Variants in KIF17 observed in about 807,000 individuals in gnomAD.
The protein encoded by KIF17 is kinesin family member 17.
KIF17 carries 80 observed loss-of-function variants against 96.8 expected under a neutral mutation model. The observed-to-expected ratio is 0.83, with a 90% CI of 0.69 to 1.00. The LOEUF is 1.00. Among genes scored for constraint, KIF17 ranks in the 50% least tolerant of loss-of-function variants. KIF17 has a pLI of 0.00. For missense variants in KIF17, 1,280 were observed against 1,372.9 expected, an observed-to-expected ratio of 0.93 and a Z score of 1.07; for synonymous variants, 567 against 587.5, an observed-to-expected ratio of 0.97 and a Z score of 0.51.
chr1:20,690,352 G>GGCGCCCC lies in KIF17; in HGVS notation c.1234-18_1234-17insGGGGCGC. On this transcript the variant is annotated splice_polypyrimidine_tract_variant and intron_variant, in intron 6 of 14. Coordinates refer to ENST00000400463, the MANE Select transcript of KIF17 (RefSeq NM_001122819.3). ...TTCATACTCCTGGGGGGGTGGGAGG[G>GGCGCCCC]ACCAGAGGGCAGGCAGCATTTTATC... 2.2e-6 allele frequency: 1 copy of GGCGCCCC among 451,168 alleles called. No individual in the cohort carries two copies. Among genetic ancestry groups the GGCGCCCC allele is most frequent in the Non-Finnish European group, 4.3e-6 (1 of 235,148 alleles). 27.9% of individuals were successfully genotyped at this position (451,168 alleles called of 1,614,324 possible).
chr1:20,692,089 G>C (rs1463557796), intron 6 of KIF17, among the ~76,000 whole-genome samples: 6 of 152,116 alleles, frequency 3.9e-5, no homozygotes, highest in Non-Finnish European at 5.9e-5. Flanking sequence ...CATGTTCATG[G>C]ATGAAATCTA....
chr1:20,666,283 T>C lies in KIF17; in HGVS notation c.2839A>G (p.Ile947Val). The change falls in exon 14 of 15, where the codon ATT becomes GTT. Residue 947 changes from isoleucine to valine, a missense_variant. Ile to Val is a conservative substitution (Grantham distance 29). Transcript: ENST00000400463. Reference protein sequence around the residue: ...LMLSRSNSENIASNYFRSKRA... With the variant: ...LMLSRSNSENVASNYFRSKRA... The stretch of plus-strand genomic sequence containing the variant: ...TTAGATCGGAAGTAGTTGCTGGCAA[T>C]GTTTTCACTGTTGCTCCGACTGAGC... 1 of 1,614,200 alleles carries C rather than the reference T, an allele frequency of 6.2e-7. No individual in the cohort carries two copies. The highest frequency in any genetic ancestry group is 8.5e-7 in the Non-Finnish European group (1 of 1,180,030).
chr1:20,702,425 C>A (rs941510941), intron 5 of KIF17, among the ~76,000 whole-genome samples: 1 of 152,222 alleles, frequency 6.6e-6, no homozygotes, highest in Admixed American at 6.5e-5. Flanking sequence ...GAGCCTCCCC[C>A]ACTCCCTCCT....
At chr1:20,716,220 C>T (rs180895859) in intron 1 of KIF17, among the ~76,000 whole-genome samples, 23 of 138,748 alleles carry the variant, frequency 1.7e-4, no homozygotes, top group African/African-American at 4.6e-4. Context: ...CCAGCCTGGG[C>T]GACAGCGCGA....
chr1:20,682,078 CTG>C (rs753120385), intron 11 of KIF17, among the ~76,000 whole-genome samples: 8 of 152,150 alleles, frequency 5.3e-5, no homozygotes, highest in Admixed American at 5.2e-4. Context: ...TATTTCTCTC[CTG>C]TGTTATTTCT....
intron 6 of KIF17, among the ~76,000 whole-genome samples, chr1:20,694,508 G>C (rs1438779105): frequency 2.0e-5 from 3 of 152,132 alleles, no homozygotes; most frequent in African/African-American, 4.8e-5. Flanking sequence ...TTGTCTCCTG[G>C]AGCCACTGCT....
intron 8 of KIF17, chr1:20,686,389 A>C: frequency 1.8e-6 from 1 of 551,968 alleles, no homozygotes; most frequent in Admixed American, 3.1e-5. Flanking sequence ...CTCTGAAGCA[A>C]CCTCATTTTA....
Position 20,698,427 on chromosome 1 carries a change from T to G in KIF17, c.1185A>C (p.Gln395His), listed in dbSNP as rs1045368209. ...PVQVEEKLLP[Q>H]PVIQHDVEAE... Reference sequence around the variant, plus strand: ...CCTCCACGTCATGCTGGATCACAGGTTGGGGCAACAGCTTCTCCTCCACCT... The same window carrying G: ...CCTCCACGTCATGCTGGATCACAGGGTGGGGCAACAGCTTCTCCTCCACCT... The change falls in exon 6 of 15, where the codon CAA becomes CAC. Residue 395 changes from glutamine to histidine, a missense_variant. Coordinates refer to ENST00000400463, the MANE Select transcript of KIF17 (RefSeq NM_001122819.3). 1.1e-5 allele frequency: 17 copies of G among 1,613,736 alleles called. No homozygotes were observed. Among genetic ancestry groups the G allele is most frequent in the Non-Finnish European group, 1.4e-5 (17 of 1,179,992 alleles).
intron 5 of KIF17, among the ~76,000 whole-genome samples, 189 bp from the exon 6 acceptor site, chr1:20,698,677 T>C (rs1157301026): frequency 6.6e-6 from 1 of 152,182 alleles, no homozygotes; most frequent in Non-Finnish European, 1.5e-5. Flanking sequence ...ACCTCGATGT[T>C]CCAGACTCTG....
chr1:20,708,150 T>C (rs994697823), intron 4 of KIF17, among the ~76,000 whole-genome samples: 7 of 152,120 alleles, frequency 4.6e-5, no homozygotes, highest in Non-Finnish European at 8.8e-5. Flanking sequence ...CCCTGGTCTC[T>C]GCCCCTCCCT....
In KIF17 at chr1:20,709,069, G is replaced by A. The variant is rs2054390824; in HGVS notation, c.670+570C>T. Among the ~76,000 whole-genome samples, 1 of 152,182 alleles carries A rather than the reference G, an allele frequency of 6.6e-6. No homozygotes were observed. Among genetic ancestry groups the A allele is most frequent in the Non-Finnish European group, 1.5e-5 (1 of 68,026 alleles). On this transcript the variant is annotated intron_variant, in intron 4 of 14. Coordinates refer to ENST00000400463, the MANE Select transcript of KIF17 (RefSeq NM_001122819.3). This position sits in a 1 kb window ranked among gnomAD's most constrained non-coding sequence, Gnocchi z 4.7. The stretch of plus-strand genomic sequence containing the variant: ...GTATCCACCTCATGGGAGTGCTGTA[G>A]GAGTAAGTGAGATAATGCACACACA...
chr1:20,685,102 A>G lies in KIF17; in HGVS notation c.2020-82T>C. ...CAGCTCCCAGGTGGCTCAATCCCAG[A>G]CGGGGCCATTCCGCCTGCTGCAGCC... is the stretch of plus-strand genomic sequence containing the variant. On this transcript the variant is annotated intron_variant, in intron 9 of 14. Transcript: ENST00000400463. The surrounding 1 kb of genome is among the most constrained non-coding windows in gnomAD (Gnocchi z 4.1). 1 of 1,124,390 alleles carries G rather than the reference A, an allele frequency of 8.9e-7. No individual in the cohort carries two copies. The highest frequency in any genetic ancestry group is 1.3e-6 in the Non-Finnish European group (1 of 757,908). The allele number at this position is 1,124,390 out of a possible 1,614,324, so 69.7% of individuals were successfully genotyped here.
intron 11 of KIF17, among the ~76,000 whole-genome samples, chr1:20,680,032 T>C (rs898788108): frequency 1.3e-5 from 2 of 152,196 alleles, no homozygotes; most frequent in Non-Finnish European, 2.9e-5. Flanking sequence ...CTATCCAGGC[T>C]GGAGTGCAAT....
At chr1:20,702,782 T>C (rs993084402) in intron 5 of KIF17, among the ~76,000 whole-genome samples, 4 of 152,326 alleles carry the variant, frequency 2.6e-5, no homozygotes, top group African/African-American at 9.6e-5. Flanking sequence ...CACCCACAGA[T>C]AGACCTGGCT....
intron 6 of KIF17, chr1:20,693,169 C>G (rs997180078): frequency 5.9e-5 from 9 of 151,960 alleles, no homozygotes; most frequent in African/African-American, 2.2e-4. Flanking sequence ...AGAATCTCCT[C>G]TTTTTCTTGG....
At position 20,715,542 on chromosome 1, in the gene KIF17, TG is replaced by T; in HGVS notation, c.328del (p.Gln110ArgfsTer52). 1 of 1,613,680 alleles carries T rather than the reference TG, an allele frequency of 6.2e-7. No individual in the cohort carries two copies. The highest frequency in any genetic ancestry group is 1.1e-5 in the South Asian group (1 of 91,086). Reference protein sequence around the residue: ...TMQGLPDPPSQRGIIPRAFEH... With the variant: ...TMQGLPDPPSXRGIIPRAFEH... ...GAAGGCCCTGGGGATGATGCCTCTC[TG>T]GGAGGGCGGATCCGGCAGGCCCTGC... On this transcript the variant is annotated frameshift_variant, in exon 2 of 15. Coordinates refer to ENST00000400463, the MANE Select transcript of KIF17 (RefSeq NM_001122819.3). LOFTEE classifies it high-confidence loss of function.
chr1:20,710,601 G>A (rs374696120), intron 3 of KIF17, among the ~76,000 whole-genome samples: 1 of 152,292 alleles, frequency 6.6e-6, no homozygotes, highest in African/African-American at 2.4e-5. Context: ...GAATGAATGA[G>A]GACAAAAGGC....
At chr1:20,689,600 A>C (rs1252041594) in intron 7 of KIF17, among the ~76,000 whole-genome samples, 4 of 152,144 alleles carry the variant, frequency 2.6e-5, no homozygotes, top group African/African-American at 9.7e-5. Flanking sequence ...GCAGTAAGCC[A>C]AGGTCATGCC....
In KIF17 at chr1:20,709,787, C is replaced by T; in HGVS notation, c.522G>A (p.Leu174=). The change falls in exon 4 of 15, where the codon CTG becomes CTA. Residue 174 remains leucine (L), a synonymous_variant. Coordinates refer to ENST00000400463, the MANE Select transcript of KIF17 (RefSeq NM_001122819.3). This position sits in a 1 kb window ranked among gnomAD's most constrained non-coding sequence, Gnocchi z 4.7. ...HPEKGVYVKG[L]SMHTVHSVAQ... is the part of the protein sequence containing the mutation. ...CCACGCTGTGCACCGTGTGCATGGACAGCCCCTTCACGTACACGCCCTTCT... is the reference window on the plus strand; with the variant it reads ...CCACGCTGTGCACCGTGTGCATGGATAGCCCCTTCACGTACACGCCCTTCT... The T allele has an allele frequency of 6.2e-7, 1 of 1,613,946 alleles. No individual in the cohort carries two copies.
Sources: allele counts gnomAD v4.1 joint callset (sites outside exome capture counted in the v4.1 genomes callset), GRCh38; gene constraint gnomAD v4.1.1; non-coding constraint Gnocchi (gnomAD v3.1); transcripts MANE v1.5; gene names NCBI Gene and HGNC (gene_info 2026-07-23, HGNC 2026-07-21).